Variants in TPO observed in about 807,000 individuals in gnomAD.
TPO encodes the protein thyroid microsomal antigen.
TPO carries 78 observed loss-of-function variants against 96.9 expected under a neutral mutation model. The observed-to-expected ratio is 0.81, with a 90% CI of 0.67 to 0.97. The LOEUF (loss-of-function observed/expected upper bound fraction) is 0.97, where lower values mean the gene tolerates loss of function less well. TPO is among the 50% of genes least tolerant of loss of function. TPO has a pLI of 0.00. For synonymous variants in TPO, 547 were observed against 538.0 expected (o/e 1.02, Z -0.23); for missense variants, 1,252 against 1,274.8 (o/e 0.98, Z 0.27).
Position 1,457,933 on chromosome 2 carries a change from G to T in TPO, c.819+1651G>T, listed in dbSNP as rs560230027. 4.0e-5 allele frequency among the ~76,000 whole-genome samples: 6 copies of T among 151,646 alleles called. No homozygotes were observed. In the East Asian group the frequency reaches 9.9e-4, roughly 25 times the overall value. ...TAGTGTGTGGGCACGTGTGTATATG[G>T]CACATAAGATAGTGTGTGGGCACGT... On this transcript the variant is annotated intron_variant, in intron 7 of 16. Transcript: ENST00000329066.
At chr2:1,396,714 A>G (rs751317256) in intron 1 of TPO, among the ~76,000 whole-genome samples, 2 of 152,136 alleles carry the variant, frequency 1.3e-5, no homozygotes, top group Non-Finnish European at 2.9e-5. Context: ...CATGAGCCCC[A>G]GGTTAGAAGC....
chr2:1,388,313 G>A (rs1485543668), intron 1 of TPO, among the ~76,000 whole-genome samples: 1 of 152,224 alleles, frequency 6.6e-6, no homozygotes, highest in Non-Finnish European at 1.5e-5. Flanking sequence ...CAGAGGTGGA[G>A]TCTACAGAGG....
At chr2:1,391,486 T>G (rs1002510745) in intron 1 of TPO, among the ~76,000 whole-genome samples, 3 of 152,228 alleles carry the variant, frequency 2.0e-5, no homozygotes, top group Middle Eastern at 6.3e-3. Context: ...TAGGATTGTT[T>G]TGGCAATGTG....
Position 1,484,403 on chromosome 2 carries a change from C to T in TPO, c.1339-193C>T, listed in dbSNP as rs116602133. Among the ~76,000 whole-genome samples the T allele has an allele frequency of 9.9e-3, 1,504 of 152,274 alleles. 27 individuals are homozygous for T. The highest frequency in any genetic ancestry group is 0.034 in the African/African-American group (1,425 of 41,556). ...GAGGCTCTCTAGTCAGCCCTATAAA[C>T]GCACCTCCTGAATATCCATGAAAAA... On this transcript the variant is annotated intron_variant, in intron 8 of 16. Transcript: ENST00000329066.
intron 1 of TPO, among the ~76,000 whole-genome samples, chr2:1,394,369 G>A (rs1287082021): frequency 6.6e-6 from 1 of 152,194 alleles, no homozygotes; most frequent in Non-Finnish European, 1.5e-5. Flanking sequence ...ATCGGGCTTC[G>A]ATGCCGCCTG....
intron 9 of TPO, 81 bp downstream of exon 9, chr2:1,484,935 C>G: frequency 1.3e-6 from 2 of 1,577,782 alleles, no homozygotes; most frequent in South Asian, 1.1e-5. Context: ...ATTTTAAGTT[C>G]TAGGGTACAT....
chr2:1,422,588 T>C (rs913909103), intron 2 of TPO, among the ~76,000 whole-genome samples: 1 of 152,180 alleles, frequency 6.6e-6, no homozygotes, highest in African/African-American at 2.4e-5. Flanking sequence ...TACCCAGAAA[T>C]GGGATCTTAA....
At chr2:1,382,455 C>T (rs547529903) in intron 1 of TPO, among the ~76,000 whole-genome samples, 1 of 152,192 alleles carries the variant, frequency 6.6e-6, no homozygotes, top group Non-Finnish European at 1.5e-5. Context: ...CACTCACTTG[C>T]CTCCATGAAA....
At chr2:1,533,057 C>A (rs1213982160) in intron 15 of TPO, among the ~76,000 whole-genome samples, 1 of 132,080 alleles carries the variant, frequency 7.6e-6, no homozygotes, top group Non-Finnish European at 1.6e-5. Flanking sequence ...CTGTGTGCAA[C>A]CTCCTCAAAT....
intron 5 of TPO, among the ~76,000 whole-genome samples, chr2:1,436,982 T>C (rs2070878): frequency 0.33 from 49,541 of 152,092 alleles, 9,018 homozygotes; most frequent in South Asian, 0.48. Context: ...CCAACAGTGG[T>C]GACTGCCCAC....
intron 11 of TPO, among the ~76,000 whole-genome samples, chr2:1,494,916 A>C (rs537106072): frequency 5.3e-5 from 8 of 152,142 alleles, no homozygotes; most frequent in Admixed American, 1.3e-4. Flanking sequence ...AGCCTTTCAA[A>C]GAGCTACGAA....
rs147421669 is a variant in TPO at position 1,383,906 on chromosome 2, G to C, written n.180+9504G>C. On this transcript the variant is annotated intron_variant and non_coding_transcript_variant, in intron 1 of 5. Coordinates refer to the TPO transcript ENST00000497517. Reference sequence around the variant, plus strand: ...AATTAACTTTTGTATAATGTGTAAGGAAAGGATCCAGTTTCAGCTTTCTAC... The same window carrying C: ...AATTAACTTTTGTATAATGTGTAAGCAAAGGATCCAGTTTCAGCTTTCTAC... Among the ~76,000 whole-genome samples the C allele has an allele frequency of 7.7e-3, 1,178 of 152,264 alleles. 21 individuals carry two copies. Among genetic ancestry groups the C allele is most frequent in the African/African-American group, 0.027 (1,123 of 41,524 alleles).
chr2:1,430,609 C>T (rs1353634835), intron 3 of TPO, among the ~76,000 whole-genome samples: 2 of 152,224 alleles, frequency 1.3e-5, no homozygotes, highest in African/African-American at 4.8e-5. Flanking sequence ...GAAAAAGCCT[C>T]AAGTGCTCAA....
intron 13 of TPO, among the ~76,000 whole-genome samples, chr2:1,497,415 G>A (rs943207100): frequency 6.6e-6 from 1 of 152,178 alleles, no homozygotes; most frequent in Non-Finnish European, 1.5e-5. Flanking sequence ...GGGGAGAGCC[G>A]TGTACTGGGG....
intron 7 of TPO, among the ~76,000 whole-genome samples, chr2:1,471,053 C>G (rs1669356989): frequency 6.6e-6 from 1 of 152,214 alleles, no homozygotes; most frequent in South Asian, 2.1e-4. Flanking sequence ...CTACAGTGCT[C>G]TTTTCCGATG....
intron 15 of TPO, among the ~76,000 whole-genome samples, chr2:1,530,009 ACT>A (rs1378692178): frequency 7.9e-6 from 1 of 126,450 alleles, no homozygotes; most frequent in Non-Finnish European, 1.6e-5. Context: ...CAATCACGAC[ACT>A]GTGTGCAACC....
chr2:1,478,085 CA>C, intron 8 of TPO: 1 of 985,480 alleles, frequency 1.0e-6, no homozygotes, highest in Non-Finnish European at 1.2e-6. Context: ...AGAGACAGTG[CA>C]GTGAATGAAG....
chr2:1,489,058 A>G (rs1671443032), intron 10 of TPO, among the ~76,000 whole-genome samples: 1 of 151,830 alleles, frequency 6.6e-6, no homozygotes, highest in South Asian at 2.1e-4. Context: ...ACACACCCGC[A>G]CATGCCCGGC....
chr2:1,517,027 T>A, intron 15 of TPO, 45 bp downstream of exon 15: 2 of 1,590,678 alleles, frequency 1.3e-6, no homozygotes, highest in Non-Finnish European at 1.7e-6. Flanking sequence ...CAAAGCAATC[T>A]CCTTTCCTCT....
Sources: allele counts gnomAD v4.1 joint callset (sites outside exome capture counted in the v4.1 genomes callset), GRCh38; gene constraint gnomAD v4.1.1; transcripts MANE v1.5; gene names NCBI Gene and HGNC (gene_info 2026-07-23, HGNC 2026-07-21).